PINX1: variants seen among roughly 807,000 people sequenced by gnomAD.
PINX1 encodes the protein PIN2/TERF1-interacting telomerase inhibitor 1.
PINX1 carries 34 observed loss-of-function variants against 25.4 expected under a neutral mutation model. That is an observed-to-expected ratio of 1.34 (90% CI 1.02 to 1.78). The LOEUF (loss-of-function observed/expected upper bound fraction) is 1.78, where lower values mean the gene tolerates loss of function less well. Among genes scored for constraint, PINX1 ranks in the 40% most tolerant of loss-of-function variants. PINX1 has a pLI of 0.00. For missense variants in PINX1, 592 were observed against 404.9 expected (o/e 1.46, Z -3.97); for synonymous variants, 197 against 147.7 (o/e 1.33, Z -2.42).
At chr8:10,804,542 T>C (rs142085858) in intron 6 of PINX1, among the ~76,000 whole-genome samples, 1,522 of 152,014 alleles carry the variant, frequency 0.01, 23 homozygotes, top group African/African-American at 0.034. Flanking sequence ...GACAGCAGCA[T>C]TGGAGAAGAG....
intron 6 of PINX1, among the ~76,000 whole-genome samples, chr8:10,812,568 A>C (rs564270654): frequency 6.6e-6 from 1 of 152,312 alleles, no homozygotes; most frequent in African/African-American, 2.4e-5. Context: ...TTCATCAGTC[A>C]GTGCTAGTTC....
At chr8:10,807,330 C>CCA (rs1358002159) in intron 6 of PINX1, among the ~76,000 whole-genome samples, 1 of 89,092 alleles carries the variant, frequency 1.1e-5, no homozygotes, top group Non-Finnish European at 2.0e-5. Flanking sequence ...CCCCCCCACC[C>CCA]CCCCCCCCAC....
At chr8:10,811,128 C>T (rs1219930865) in intron 6 of PINX1, among the ~76,000 whole-genome samples, 1 of 152,232 alleles carries the variant, frequency 6.6e-6, no homozygotes, top group African/African-American at 2.4e-5. Context: ...TTCTTCATGG[C>T]TTATTATTTA....
intron 6 of PINX1, among the ~76,000 whole-genome samples, chr8:10,768,055 A>G: frequency 1.0e-5 from 1 of 97,018 alleles, no homozygotes; most frequent in Admixed American, 1.1e-4. Context: ...AGGCTCGGTG[A>G]CCAGGCACCC....
At chr8:10,811,927 G>C (rs1797535314) in intron 6 of PINX1, among the ~76,000 whole-genome samples, 1 of 152,202 alleles carries the variant, frequency 6.6e-6, no homozygotes, top group South Asian at 2.1e-4. Flanking sequence ...TGTGGAGGTG[G>C]TAAGGGCCCA....
intron 6 of PINX1, among the ~76,000 whole-genome samples, chr8:10,773,574 AC>A (rs1375258863): frequency 7.2e-5 from 11 of 152,218 alleles, no homozygotes; most frequent in African/African-American, 2.7e-4. Flanking sequence ...GCTTGGCTGG[AC>A]TTTAGTAGAG....
chr8:10,796,261 C>T lies in PINX1; in HGVS notation c.471+23932G>A, dbSNP rs1802080980. 4.6e-5 allele frequency among the ~76,000 whole-genome samples: 7 copies of T among 152,192 alleles called. No homozygotes were observed. The South Asian group carries it at 1.5e-3, about 32-fold the overall frequency. ...AACAGGGCAGCTTGGGGGAAAAGAA[C>T]TTCCATCTGAAGTCAAAGACTCCAG... On this transcript the variant is annotated intron_variant, in intron 6 of 6. Transcript: ENST00000314787.
intron 1 of PINX1, among the ~76,000 whole-genome samples, chr8:10,837,261 G>C (rs962453581): frequency 2.0e-5 from 3 of 152,174 alleles, no homozygotes; most frequent in Non-Finnish European, 4.4e-5. Flanking sequence ...TCTCTCACTA[G>C]CTTCCCTGGT....
intron 6 of PINX1, among the ~76,000 whole-genome samples, chr8:10,793,548 C>G (rs1233844294): frequency 6.6e-6 from 1 of 152,184 alleles, no homozygotes; most frequent in Non-Finnish European, 1.5e-5. Flanking sequence ...GCATGCAGCC[C>G]ACCCGCCATG....
At chr8:10,773,707 AG>A (rs1801301554) in intron 6 of PINX1, among the ~76,000 whole-genome samples, 1 of 152,204 alleles carries the variant, frequency 6.6e-6, no homozygotes, top group African/African-American at 2.4e-5. Flanking sequence ...GCCACTTATT[AG>A]GAAAAGCCGA....
chr8:10,819,496 T>C (rs561861799), intron 6 of PINX1, among the ~76,000 whole-genome samples: 134 of 152,236 alleles, frequency 8.8e-4, no homozygotes, highest in Non-Finnish European at 1.7e-3. Context: ...CCTGTTATCT[T>C]TAGAAATCCA....
intron 6 of PINX1, among the ~76,000 whole-genome samples, chr8:10,819,923 C>T (rs952218201): frequency 3.3e-5 from 5 of 152,088 alleles, no homozygotes; most frequent in African/African-American, 1.2e-4. Flanking sequence ...GGTGTTCTTC[C>T]CCAAGTTTAA....
intron 6 of PINX1, among the ~76,000 whole-genome samples, chr8:10,812,898 G>A (rs1797579638): frequency 6.6e-6 from 1 of 152,232 alleles, no homozygotes; most frequent in South Asian, 2.1e-4. Context: ...CTTGTGGTCA[G>A]GATACATGTC....
At chr8:10,821,843 T>C (rs1301333927) in intron 5 of PINX1, 1 of 152,232 alleles carries the variant, frequency 6.6e-6, no homozygotes, top group Non-Finnish European at 1.5e-5. Context: ...TATAGCAATT[T>C]GACTAAAAGG....
intron 6 of PINX1, among the ~76,000 whole-genome samples, chr8:10,799,295 G>A (rs1028066193): frequency 1.3e-5 from 2 of 152,126 alleles, no homozygotes; most frequent in South Asian, 2.1e-4. Context: ...GGTCTCAACA[G>A]AACTGTTGAG....
At chr8:10,809,950 A>T (rs955566233) in intron 6 of PINX1, among the ~76,000 whole-genome samples, 1 of 152,240 alleles carries the variant, frequency 6.6e-6, no homozygotes, top group Non-Finnish European at 1.5e-5. Context: ...TGCCGATGGC[A>T]TCTGCTCCTG....
chr8:10,808,621 T>C (rs1802530119), intron 6 of PINX1, among the ~76,000 whole-genome samples: 1 of 152,216 alleles, frequency 6.6e-6, no homozygotes, highest in Non-Finnish European at 1.5e-5. Flanking sequence ...GCGTGTCCAG[T>C]AGCGCAGTGC....
chr8:10,839,110 A>T (rs10091386), intron 1 of PINX1, among the ~76,000 whole-genome samples: 102 of 152,030 alleles, frequency 6.7e-4, no homozygotes, highest in African/African-American at 2.3e-3. Context: ...AGCAGCCTCT[A>T]CAGAGACAGG....
chr8:10,822,977 C>T (rs1020319044), intron 5 of PINX1, among the ~76,000 whole-genome samples: 1 of 152,136 alleles, frequency 6.6e-6, no homozygotes, highest in Non-Finnish European at 1.5e-5. Context: ...AAATGGCAAA[C>T]ACACAGAACT....
Sources: gnomAD v4.1 joint callset for allele counts (sites outside exome capture counted in the v4.1 genomes callset) on GRCh38, gnomAD v4.1.1 for gene constraint, MANE v1.5 for transcripts, NCBI Gene and HGNC (gene_info 2026-07-23, HGNC 2026-07-21) for gene names.